GSG1L2: variants seen among roughly 807,000 people sequenced by gnomAD.
GSG1L2 encodes GSG1 like 2.
In GSG1L2, 15 loss-of-function variants were observed where a neutral mutation model predicts 9.0. The observed-to-expected ratio is 1.67, with a 90% CI of 1.12 to 2.57. GSG1L2 has a LOEUF of 2.57. GSG1L2 is among the 30% of genes most tolerant of loss of function. The pLI is 0.00. For synonymous variants in GSG1L2, 127 were observed against 57.9 expected, an observed-to-expected ratio of 2.19 and a Z score of -5.41; for missense variants, 286 against 150.3, an observed-to-expected ratio of 1.90 and a Z score of -4.72.
Position 9,815,206 on chromosome 17 carries a change from G to A in GSG1L2, c.311-4588C>T, listed in dbSNP as rs1161225809. ...ATGGAGACCATACTTGGCCAACATG[G>A]TGAGACCCTGTCTCTACTAAAAATA... On this transcript the variant is annotated intron_variant, in intron 1 of 4. Transcript: ENST00000399363. Among the ~76,000 whole-genome samples the A allele has an allele frequency of 5.3e-5, 8 of 152,290 alleles. No individual in the cohort carries two copies. In the East Asian group the frequency reaches 1.5e-3, roughly 29 times the overall value.
intron 1 of GSG1L2, among the ~76,000 whole-genome samples, chr17:9,813,946 G>GT (rs59370552): frequency 2.4e-4 from 36 of 151,506 alleles, no homozygotes; most frequent in Middle Eastern, 6.9e-3. Context: ...AGTTTTTTCT[G>GT]TTTTTTTTGA....
At chr17:9,811,780 A>C (rs1179458554) in intron 1 of GSG1L2, among the ~76,000 whole-genome samples, 1 of 152,172 alleles carries the variant, frequency 6.6e-6, no homozygotes, top group Non-Finnish European at 1.5e-5. Flanking sequence ...TCCGTGTTAG[A>C]GCTCAGGGCT....
chr17:9,807,537 T>A lies in GSG1L2; in HGVS notation c.576A>T (p.Gly192=). ...TTIFQITVNL[G]PEDWKPQTWD... is the part of the protein sequence containing the mutation. ...AGGTCTGAGGCTTCCAATCTTCTGG[T>A]CCAAGGTTCACAGTGATTTGAAAAA... The change falls in exon 4 of 5, where the codon GGA becomes GGT. Residue 192 remains glycine, a synonymous_variant. Coordinates refer to ENST00000399363, the MANE Select transcript of GSG1L2 (RefSeq NM_001310219.2). 1 of 703,114 alleles carries A rather than the reference T, an allele frequency of 1.4e-6. No homozygotes were observed. The highest frequency in any genetic ancestry group is 1.5e-5 in the South Asian group (1 of 67,602). 43.6% of individuals were successfully genotyped at this position (703,114 alleles called of 1,614,324 possible).
At chr17:9,813,109 C>A (rs2066545592) in intron 1 of GSG1L2, among the ~76,000 whole-genome samples, 1 of 152,204 alleles carries the variant, frequency 6.6e-6, no homozygotes, top group Non-Finnish European at 1.5e-5. Flanking sequence ...AATATCCAGT[C>A]ACAGCACATG....
In GSG1L2 at chr17:9,810,347, A is replaced by G. The variant is rs138624877; in HGVS notation, c.358+224T>C. Reference sequence around the variant, plus strand: ...CCATGGAACACGGCCAGTGCTGCCAATCAGGGCTTCCCATCCACCCTACAA... The same window carrying G: ...CCATGGAACACGGCCAGTGCTGCCAGTCAGGGCTTCCCATCCACCCTACAA... On this transcript the variant is annotated intron_variant, in intron 2 of 4. Transcript: ENST00000399363. 5.3e-5 allele frequency: 31 copies of G among 581,112 alleles called. 1 individual carries two copies. Among genetic ancestry groups the G allele is most frequent in the Middle Eastern group, 9.2e-4 (2 of 2,178 alleles). 36.0% of individuals were successfully genotyped at this position (581,112 alleles called of 1,614,324 possible). A position where few individuals can be genotyped will look rare whatever the true frequency, so the allele number is the denominator to read the frequency against.
At chr17:9,813,236 C>T (rs2066546162) in intron 1 of GSG1L2, among the ~76,000 whole-genome samples, 1 of 152,168 alleles carries the variant, frequency 6.6e-6, no homozygotes, top group South Asian at 2.1e-4. Context: ...GGCCTCATTC[C>T]TTCACACTTC....
At chr17:9,811,999 T>TATC (rs562304042) in intron 1 of GSG1L2, among the ~76,000 whole-genome samples, 222 of 152,208 alleles carry the variant, frequency 1.5e-3, no homozygotes, top group Non-Finnish European at 2.5e-3. Context: ...ACTTATCACT[T>TATC]ATCACTTATC....
At position 9,821,999 on chromosome 17, in the gene GSG1L2, C is replaced by A. The variant is rs377016768; in HGVS notation, c.73G>T (p.Ala25Ser). The change falls in exon 1 of 5, where the codon GCC (alanine) becomes TCC (serine). Residue 25 changes from alanine to serine, a missense_variant. Transcript: ENST00000399363. Reference sequence around the variant, plus strand: ...TCACACCAGTGGCTGCTGACCACGGCGGTGAGGGAGAAGGTGAGGGCGAGG... The same window carrying A: ...TCACACCAGTGGCTGCTGACCACGGAGGTGAGGGAGAAGGTGAGGGCGAGG... Reference protein sequence around the residue: ...VCLALTFSLTAVVSSHWCEGT... With the variant: ...VCLALTFSLTSVVSSHWCEGT... The A allele has an allele frequency of 1.4e-6, 1 of 703,074 alleles. No individual in the cohort carries two copies. Among genetic ancestry groups the A allele is most frequent in the East Asian group, 2.7e-5 (1 of 37,284 alleles). The allele number at this position is 703,074 out of a possible 1,614,324, so 43.6% of individuals were successfully genotyped here.
chr17:9,815,453 CTT>C (rs1036714794), intron 1 of GSG1L2, among the ~76,000 whole-genome samples: 1 of 152,064 alleles, frequency 6.6e-6, no homozygotes, highest in African/African-American at 2.4e-5. Context: ...AAACAATAGT[CTT>C]ATAGAATATT....
rs186934191 is a variant in GSG1L2 at position 9,807,703 on chromosome 17, G to C, written c.512-102C>G. 5.6e-5 allele frequency: 38 copies of C among 680,240 alleles called. No homozygotes were observed. In the African/African-American group the frequency reaches 5.8e-4, roughly 10 times the overall value. The allele number at this position is 680,240 out of a possible 1,614,324, so 42.1% of individuals were successfully genotyped here. The stretch of plus-strand genomic sequence containing the variant: ...TAAGGAGCTCTCTAGCATTCATAAA[G>C]TCCTTTTGATGTATCTGCATGTATT... On this transcript the variant is annotated intron_variant, in intron 3 of 4. Transcript: ENST00000399363.
rs999284173 is a variant in GSG1L2 at position 9,808,967 on chromosome 17, G to A, written c.374C>T (p.Ser125Phe). ...GATATCCAGGACCTCGCCCCCGATG[G>A]ACAGCCACAAAACACCTGCCAAAGA... ...PAEEQGVLWL[S>F]IGGEVLDIVL... The change falls in exon 3 of 5, where the codon TCC (serine) becomes TTC (phenylalanine). Residue 125 changes from serine (S) to phenylalanine (F), a missense_variant. By Grantham distance (155) the Ser-to-Phe change is radical (BLOSUM62 -2). Coordinates refer to ENST00000399363, the MANE Select transcript of GSG1L2 (RefSeq NM_001310219.2). 1.7e-5 allele frequency: 12 copies of A among 703,012 alleles called. No homozygotes were observed. The highest frequency in any genetic ancestry group is 3.1e-5 in the Non-Finnish European group (12 of 385,006). 43.5% of individuals were successfully genotyped at this position (703,012 alleles called of 1,614,324 possible).
intron 1 of GSG1L2, among the ~76,000 whole-genome samples, chr17:9,816,436 C>CATGCATA (rs2066560769): frequency 8.9e-6 from 1 of 112,322 alleles, no homozygotes; most frequent in African/African-American, 3.7e-5. Flanking sequence ...GCGTGTGTCT[C>CATGCATA]TCTGTGTGCG....
chr17:9,800,690 G>T lies in GSG1L2; in HGVS notation c.*1696C>A, dbSNP rs2066493337. 6.6e-6 allele frequency among the ~76,000 whole-genome samples: 1 copy of T among 152,216 alleles called. No homozygotes were observed. Among genetic ancestry groups the T allele is most frequent in the Non-Finnish European group, 1.5e-5 (1 of 68,046 alleles). On this transcript the variant is annotated 3_prime_UTR_variant, in exon 5 of 5. Transcript: ENST00000399363. The stretch of plus-strand genomic sequence containing the variant: ...TTTTCACAACAGCGAATTCAGCGAA[G>T]TCTCTCTCCAGTGTATTTCATTCCC...
At chr17:9,818,458 C>T (rs8067724) in intron 1 of GSG1L2, among the ~76,000 whole-genome samples, 78,435 of 149,118 alleles carry the variant, frequency 0.53, 21,756 homozygotes, top group East Asian at 0.99. Context: ...CTCAGCCTTC[C>T]AAGTAGCTGG....
In GSG1L2 at chr17:9,808,985, G is replaced by T. The variant is rs1486906508; in HGVS notation, c.359-3C>A. ...CCCGATGGACAGCCACAAAACACCT[G>T]CCAAAGAACGGGATGTTGGAAACGC... On this transcript the variant is annotated splice_polypyrimidine_tract_variant and splice_region_variant and intron_variant, in intron 2 of 4. Coordinates refer to ENST00000399363, the MANE Select transcript of GSG1L2 (RefSeq NM_001310219.2). 1.4e-6 allele frequency: 1 copy of T among 702,898 alleles called. No individual in the cohort carries two copies. The highest frequency in any genetic ancestry group is 2.6e-6 in the Non-Finnish European group (1 of 384,980). The allele number at this position is 702,898 out of a possible 1,614,324, so 43.5% of individuals were successfully genotyped here.
In GSG1L2 at chr17:9,802,374, C is replaced by T; in HGVS notation, c.*12G>A. 1.6e-6 allele frequency: 1 copy of T among 639,820 alleles called. No homozygotes were observed. Among genetic ancestry groups the T allele is most frequent in the Non-Finnish European group, 2.8e-6 (1 of 352,214 alleles). 39.6% of individuals were successfully genotyped at this position (639,820 alleles called of 1,614,324 possible). ...TGTTTGCCTGTGCGGATGTGGCAGC[C>T]ATGGACACTGGCTAGCATATGGACA... is the stretch of plus-strand genomic sequence containing the variant. On this transcript the variant is annotated 3_prime_UTR_variant, in exon 5 of 5. Transcript: ENST00000399363.
rs2066520838 is a variant in GSG1L2, at chr17:9,807,558, A to G, written c.555T>C (p.Phe185=). Reference sequence around the variant, plus strand: ...CTGGTCCAAGGTTCACAGTGATTTGAAAAATGGTTGTGTACATCATGTGGG... The same window carrying G: ...CTGGTCCAAGGTTCACAGTGATTTGGAAAATGGTTGTGTACATCATGTGGG... ...MVAHMMYTTI[F]QITVNLGPED... Residue 185 remains phenylalanine, a synonymous_variant, in exon 4 of 5, where the codon TTT becomes TTC. Transcript: ENST00000399363. 2.8e-6 allele frequency: 2 copies of G among 703,128 alleles called. No individual in the cohort carries two copies. Among genetic ancestry groups the G allele is most frequent in the Non-Finnish European group, 5.2e-6 (2 of 385,010 alleles). The allele number at this position is 703,128 out of a possible 1,614,324, so 43.6% of individuals were successfully genotyped here.
Position 9,806,078 on chromosome 17 carries a change from T to C in GSG1L2, c.623+1412A>G, listed in dbSNP as rs114262726. Among the ~76,000 whole-genome samples the C allele has an allele frequency of 1.7e-3, 256 of 152,306 alleles. 2 individuals carry two copies. Among genetic ancestry groups the C allele is most frequent in the African/African-American group, 6.0e-3 (251 of 41,562 alleles). Reference sequence around the variant, plus strand: ...AGCCAAAAACTCTACCCTTAGAACATGCTAATGCTACCATTTTCTGAACAT... The same window carrying C: ...AGCCAAAAACTCTACCCTTAGAACACGCTAATGCTACCATTTTCTGAACAT... On this transcript the variant is annotated intron_variant, in intron 4 of 4. Coordinates refer to ENST00000399363, the MANE Select transcript of GSG1L2 (RefSeq NM_001310219.2).
chr17:9,812,739 A>G (rs2152023717), intron 1 of GSG1L2, among the ~76,000 whole-genome samples: 1 of 152,022 alleles, frequency 6.6e-6, no homozygotes, highest in South Asian at 2.1e-4. Flanking sequence ...TCCCATCTCA[A>G]CTTCCCAAGT....
Sources: gnomAD v4.1 joint callset for allele counts (sites outside exome capture counted in the v4.1 genomes callset) on GRCh38, gnomAD v4.1.1 for gene constraint, MANE v1.5 for transcripts, NCBI Gene and HGNC (gene_info 2026-07-23, HGNC 2026-07-21) for gene names.